NDUFAF6: variants seen among roughly 807,000 people sequenced by gnomAD.
NDUFAF6 encodes NADH:ubiquinone oxidoreductase complex assembly factor 6.
NDUFAF6 carries 45 observed loss-of-function variants against 40.8 expected under a neutral mutation model. The ratio of observed to expected loss-of-function variants is 1.10; its 90% CI spans 0.87 to 1.42. The LOEUF is 1.42. NDUFAF6 is among the 40% of genes most tolerant of loss of function. NDUFAF6 has a pLI of 0.00. For synonymous variants in NDUFAF6, 185 were observed against 155.9 expected (o/e 1.19, Z -1.39); for missense variants, 435 against 418.5 (o/e 1.04, Z -0.34).
At chr8:95,046,508 A>G (rs1332972650) in intron 5 of NDUFAF6, among the ~76,000 whole-genome samples, 1 of 152,198 alleles carries the variant, frequency 6.6e-6, no homozygotes, top group Non-Finnish European at 1.5e-5. Context: ...CATTTGAAGA[A>G]GGTAATATAT....
upstream of NDUFAF6, among the ~76,000 whole-genome samples, chr8:94,954,457 A>T (rs149878932): frequency 5.9e-5 from 9 of 152,210 alleles, no homozygotes; most frequent in Non-Finnish European, 1.2e-4. Flanking sequence ...AGAACCTTCC[A>T]TCTAGTAGAG....
intron 7 of NDUFAF6, 70 bp downstream of exon 7, chr8:95,048,628 T>C: frequency 2.8e-6 from 3 of 1,079,312 alleles, no homozygotes; most frequent in Non-Finnish European, 4.3e-6. Context: ...TCTTAGAACA[T>C]GGTTATGATA....
intron 2 of NDUFAF6, among the ~76,000 whole-genome samples, chr8:94,993,637 C>A (rs1368756759): frequency 6.6e-6 from 1 of 152,224 alleles, no homozygotes; most frequent in Non-Finnish European, 1.5e-5. Flanking sequence ...TCAATCAGCA[C>A]TGACTGCCAG....
intron 2 of NDUFAF6, among the ~76,000 whole-genome samples, chr8:95,094,118 G>C (rs1187384084): frequency 6.6e-6 from 1 of 151,908 alleles, no homozygotes; most frequent in African/African-American, 2.4e-5. Flanking sequence ...TTACAGGCAT[G>C]CACCACCACG....
upstream of NDUFAF6, among the ~76,000 whole-genome samples, chr8:94,957,278 TC>T (rs768637591): frequency 3.3e-5 from 5 of 152,114 alleles, no homozygotes; most frequent in Non-Finnish European, 7.4e-5. Flanking sequence ...AATATTTGGG[TC>T]TGGAGCTCAA....
intron 9 of NDUFAF6, among the ~76,000 whole-genome samples, chr8:95,065,706 G>A (rs1385738596): frequency 7.6e-6 from 1 of 131,978 alleles, no homozygotes; most frequent in Non-Finnish European, 1.8e-5. Context: ...CCATCCCATG[G>A]AATATTCTCT....
At chr8:94,963,225 A>G (rs1403765838) in intron 1 of NDUFAF6, among the ~76,000 whole-genome samples, 6 of 152,244 alleles carry the variant, frequency 3.9e-5, no homozygotes, top group Non-Finnish European at 2.9e-5. Context: ...AGAAGAGTAC[A>G]TGGCAGTGTG....
chr8:94,964,125 A>G (rs1014226086), intron 1 of NDUFAF6, among the ~76,000 whole-genome samples: 1 of 152,006 alleles, frequency 6.6e-6, no homozygotes, highest in Non-Finnish European at 1.5e-5. Context: ...GTCTTTTTAA[A>G]TTGCTATGAA....
intron 1 of NDUFAF6, among the ~76,000 whole-genome samples, chr8:94,979,903 T>C (rs901910485): frequency 5.3e-5 from 8 of 152,302 alleles, no homozygotes; most frequent in African/African-American, 1.9e-4. Flanking sequence ...AAGACCAGCT[T>C]GGCCAACATG....
intron 2 of NDUFAF6, among the ~76,000 whole-genome samples, chr8:95,094,680 G>A (rs1587268937): frequency 6.6e-6 from 1 of 150,416 alleles, no homozygotes; most frequent in Admixed American, 6.6e-5. Flanking sequence ...CTCCCAGAGT[G>A]TTGAGATTAC....
At chr8:94,911,432 C>T (rs4735332) in intron 1 of NDUFAF6, among the ~76,000 whole-genome samples, 93,175 of 152,122 alleles carry the variant, frequency 0.61, 29,455 homozygotes, top group East Asian at 0.79. Flanking sequence ...TTTCCTCCCA[C>T]ATAAGTGATT....
chr8:95,073,461 C>T (rs746250864), intron 9 of NDUFAF6, among the ~76,000 whole-genome samples: 2 of 151,994 alleles, frequency 1.3e-5, no homozygotes, highest in Non-Finnish European at 2.9e-5. Flanking sequence ...GTCGCAGGTG[C>T]GCTCCCCAGG....
intron 4 of NDUFAF6, among the ~76,000 whole-genome samples, chr8:95,042,294 T>G (rs1830233472): frequency 6.6e-6 from 1 of 152,238 alleles, no homozygotes; most frequent in African/African-American, 2.4e-5. Flanking sequence ...TGTGTTCCCC[T>G]TGGCCTGATA....
chr8:95,051,384 A>T (rs999521175), intron 7 of NDUFAF6, among the ~76,000 whole-genome samples: 1 of 152,226 alleles, frequency 6.6e-6, no homozygotes, highest in Non-Finnish European at 1.5e-5. Context: ...GAGATTGAAG[A>T]GAAAAGATAG....
intron 2 of NDUFAF6, among the ~76,000 whole-genome samples, chr8:95,008,264 A>G (rs1274280390): frequency 6.6e-6 from 1 of 152,228 alleles, no homozygotes; most frequent in Non-Finnish European, 1.5e-5. Context: ...GATGATCATC[A>G]TCAACTCTTA....
At chr8:94,966,313 G>A (rs570594328) in intron 1 of NDUFAF6, among the ~76,000 whole-genome samples, 10 of 152,286 alleles carry the variant, frequency 6.6e-5, no homozygotes, top group African/African-American at 2.2e-4. Flanking sequence ...AGGAAGGACG[G>A]CCAGGCATGA....
upstream of NDUFAF6, among the ~76,000 whole-genome samples, chr8:95,021,088 G>C (rs1827675130): frequency 6.6e-6 from 1 of 152,146 alleles, no homozygotes; most frequent in Admixed American, 6.5e-5. Flanking sequence ...ATTTTTGTTG[G>C]GTTTGTCTTT....
intron 2 of NDUFAF6, among the ~76,000 whole-genome samples, chr8:94,991,796 G>A (rs1202564369): frequency 6.2e-5 from 7 of 113,274 alleles, no homozygotes; most frequent in African/African-American, 2.0e-4. Context: ...CTCATTCTTC[G>A]CCCCCCCCCC....
At position 94,995,279 on chromosome 8, in the gene NDUFAF6, CAG is replaced by C. The variant is rs201396485; in HGVS notation, c.-84+14308_-84+14309del. Among the ~76,000 whole-genome samples, 953 of 152,100 alleles carry C rather than the reference CAG, an allele frequency of 6.3e-3. 12 individuals are homozygous for C. The highest frequency in any genetic ancestry group is 0.034 in the Middle Eastern group (10 of 294). On this transcript the variant is annotated intron_variant, in intron 2 of 9. Transcript: ENST00000396111. Reference sequence around the variant, plus strand: ...TCTAAAGGAGTTAAAATGATAGAAACAGAAAGTAGAGAGGTAGTTGCTAAAGG... The same window carrying C: ...TCTAAAGGAGTTAAAATGATAGAAACAAAGTAGAGAGGTAGTTGCTAAAGG...
Sources: allele counts gnomAD v4.1 joint callset (sites outside exome capture counted in the v4.1 genomes callset), GRCh38; gene constraint gnomAD v4.1.1; transcripts MANE v1.5; gene names NCBI Gene and HGNC (gene_info 2026-07-23, HGNC 2026-07-21).